The following FHIP1B variants were observed in gnomAD, a reference collection of about 807,000 sequenced individuals.
FHIP1B encodes FHF complex subunit HOOK interacting protein 1B, also known as FHF complex subunit HOOK-interacting protein 1B.
Under a neutral mutation model 82.2 loss-of-function variants are expected in FHIP1B, and 28 were observed. The observed-to-expected ratio is 0.34, with a 90% CI of 0.25 to 0.47. FHIP1B has a LOEUF of 0.47. Among genes scored for constraint, FHIP1B ranks in the 20% least tolerant of loss-of-function variants. The pLI is 1.00. For missense variants in FHIP1B, 1,110 were observed against 1,262.6 expected (o/e 0.88, Z 1.83); for synonymous variants, 585 against 516.1 (o/e 1.13, Z -1.81).
intron 9 of FHIP1B, 107 bp downstream of exon 9, chr11:6,217,264 G>A (rs769229915): frequency 4.1e-6 from 4 of 980,368 alleles, no homozygotes; most frequent in Admixed American, 3.8e-5. Flanking sequence ...GAGGGGCTAG[G>A]CAAGTACACA....
Position 6,223,492 on chromosome 11 carries a change from G to T in FHIP1B, c.777+118C>A. ...CTCCAGGGGGCTGCTTTCAAATCCAGGAACTGTTTCCTAGGGGAACGGGCC... is the reference window on the plus strand; with the variant it reads ...CTCCAGGGGGCTGCTTTCAAATCCATGAACTGTTTCCTAGGGGAACGGGCC... On this transcript the variant is annotated intron_variant, in intron 3 of 11. Coordinates refer to ENST00000449352, the MANE Select transcript of FHIP1B (RefSeq NM_001098794.2). The surrounding 1 kb of genome is among the most constrained non-coding windows in gnomAD (Gnocchi z 4.8). 7.4e-7 allele frequency: 1 copy of T among 1,345,236 alleles called. No individual in the cohort carries two copies. The allele number at this position is 1,345,236 out of a possible 1,614,324, so 83.3% of individuals were successfully genotyped here.
chr11:6,214,664 G>C (rs113817138), intron 10 of FHIP1B, 69 bp downstream of exon 10: 1 of 1,547,484 alleles, frequency 6.5e-7, no homozygotes. Context: ...GCCCACCCAG[G>C]GTCACTCCAG....
At position 6,214,472 on chromosome 11, in the gene FHIP1B, G is replaced by A; in HGVS notation, c.2496C>T (p.Gly832=). ...SKAKKYLIAR[G]KLDWAEGPAA... ...CAGGGCCCTCAGCCCAGTCCAACTTGCCACGGGCAATGAGGTACTTCTTGG... is the reference window on the plus strand; with the variant it reads ...CAGGGCCCTCAGCCCAGTCCAACTTACCACGGGCAATGAGGTACTTCTTGG... The change falls in exon 11 of 12, where the codon GGC becomes GGT. Residue 832 remains glycine, a synonymous_variant. Transcript: ENST00000449352. The A allele has an allele frequency of 6.2e-7, 1 of 1,614,104 alleles. No individual in the cohort carries two copies. The highest frequency in any genetic ancestry group is 8.5e-7 in the Non-Finnish European group (1 of 1,180,008).
intron 9 of FHIP1B, among the ~76,000 whole-genome samples, chr11:6,216,141 G>C (rs138348610): frequency 6.6e-6 from 1 of 152,352 alleles, no homozygotes; most frequent in East Asian, 1.9e-4. Context: ...TAGTGGTACT[G>C]AGCTGAAAGG....
At position 6,224,700 on chromosome 11, in the gene FHIP1B, T is replaced by A; in HGVS notation, c.-184A>T. On this transcript the variant is annotated 5_prime_UTR_variant, in exon 2 of 12. Coordinates refer to ENST00000449352, the MANE Select transcript of FHIP1B (RefSeq NM_001098794.2). ...CCAGAGGTCACTGGCCAGTCCAGAT[T>A]TCTAAATCTAATTCAGAGAAGAGAT... is the stretch of plus-strand genomic sequence containing the variant. 1.7e-6 allele frequency: 1 copy of A among 595,436 alleles called. No homozygotes were observed. Among genetic ancestry groups the A allele is most frequent in the Non-Finnish European group, 2.9e-6 (1 of 342,462 alleles). 36.9% of individuals were successfully genotyped at this position (595,436 alleles called of 1,614,324 possible).
chr11:6,212,962 G>A (rs1191432527), intron 11 of FHIP1B, among the ~76,000 whole-genome samples: 1 of 152,136 alleles, frequency 6.6e-6, no homozygotes, highest in Non-Finnish European at 1.5e-5. Context: ...AGCCTCCTCT[G>A]ATTTGTCTTC....
chr11:6,233,208 G>A (rs1847745488), intron 1 of FHIP1B, among the ~76,000 whole-genome samples: 1 of 152,236 alleles, frequency 6.6e-6, no homozygotes, highest in East Asian at 1.9e-4. Flanking sequence ...AAAGAATGGG[G>A]ACTGAGGCTG....
At chr11:6,224,966 T>G (rs1285091702) in intron 1 of FHIP1B, among the ~76,000 whole-genome samples, 1 of 152,232 alleles carries the variant, frequency 6.6e-6, no homozygotes, top group Non-Finnish European at 1.5e-5. Flanking sequence ...TCCTTGTTTT[T>G]TCTTTTCCTT....
In FHIP1B at chr11:6,223,863, C is replaced by A; in HGVS notation, c.524G>T (p.Gly175Val). The A allele has an allele frequency of 6.2e-7, 1 of 1,614,250 alleles. No individual in the cohort carries two copies. The highest frequency in any genetic ancestry group is 1.7e-5 in the Admixed American group (1 of 60,034). Residue 175 changes from glycine to valine, a missense_variant, in exon 3 of 12, where the codon GGC (glycine) becomes GTC (valine). By Grantham distance (109) the Gly-to-Val change is moderately radical. Coordinates refer to ENST00000449352, the MANE Select transcript of FHIP1B (RefSeq NM_001098794.2). This position sits in a 1 kb window ranked among gnomAD's most constrained non-coding sequence, Gnocchi z 4.8. ...PVPSSPALDE[G>V]LVLLLSQLCV... is the part of the protein sequence containing the mutation. ...CAGCTGGCTGAGAAGTAGCACCAAG[C>A]CTTCATCCAGTGCTGGGCTACTGGG...
At chr11:6,230,260 C>G (rs1401788111) in intron 1 of FHIP1B, among the ~76,000 whole-genome samples, 1 of 152,160 alleles carries the variant, frequency 6.6e-6, no homozygotes, top group Non-Finnish European at 1.5e-5. Flanking sequence ...CCTGCAACAC[C>G]TACATTGGAC....
chr11:6,214,627 T>C (rs1847172430), intron 10 of FHIP1B, 54 bp from the exon 11 acceptor site: 2 of 1,566,238 alleles, frequency 1.3e-6, no homozygotes. Flanking sequence ...GATACAGTCC[T>C]TTCTAGTCCC....
intron 9 of FHIP1B, chr11:6,216,777 G>C (rs1847239205): frequency 2.1e-6 from 1 of 476,352 alleles, no homozygotes; most frequent in African/African-American, 1.9e-5. Context: ...CTTAGTGCTA[G>C]CAGACAGTCA....
chr11:6,229,160 A>G (rs1847636219), intron 1 of FHIP1B, among the ~76,000 whole-genome samples: 1 of 152,224 alleles, frequency 6.6e-6, no homozygotes, highest in Admixed American at 6.5e-5. Context: ...AAAGACAATC[A>G]AACAAGAATA....
Position 6,211,529 on chromosome 11 carries a change from C to T in FHIP1B, c.2896G>A (p.Gly966Ser), listed in dbSNP as rs2009694838. The T allele has an allele frequency of 6.2e-7, 1 of 1,606,456 alleles. No individual in the cohort carries two copies. The highest frequency in any genetic ancestry group is 8.5e-7 in the Non-Finnish European group (1 of 1,176,872). The change falls in exon 12 of 12, where the codon GGC becomes AGC. Residue 966 changes from glycine to serine, a missense_variant. Physicochemically the swap from Gly to Ser is moderately conservative, Grantham distance 56. This residue lies in a region of FHIP1B where 29 missense variants were observed against 21.5 expected (regional missense o/e 1.35). Transcript: ENST00000449352. ...AGTTAAGGATTGAGGGGCCCACAGC[C>T]TGAGATGAGAGGGCCAGATCCTTCC... The part of the protein sequence containing the change: ...SEEGSGPLIS[G>S]CGPLNP
intron 11 of FHIP1B, among the ~76,000 whole-genome samples, chr11:6,212,695 A>G (rs1372681142): frequency 1.3e-5 from 2 of 152,210 alleles, no homozygotes; most frequent in Admixed American, 1.3e-4. Flanking sequence ...CCCATTTCCT[A>G]CATCTAATAC....
intron 6 of FHIP1B, among the ~76,000 whole-genome samples, chr11:6,220,625 G>A (rs1847380961): frequency 6.6e-6 from 1 of 152,116 alleles, no homozygotes; most frequent in South Asian, 2.1e-4. Flanking sequence ...TTTAACACGG[G>A]CATCCTGAAA....
intron 1 of FHIP1B, among the ~76,000 whole-genome samples, chr11:6,230,434 T>C (rs973732716): frequency 1.3e-5 from 2 of 152,142 alleles, no homozygotes; most frequent in Non-Finnish European, 2.9e-5. Context: ...TAAAATCTCA[T>C]AGAAATACAA....
chr11:6,228,439 T>G (rs1847619662), intron 1 of FHIP1B, among the ~76,000 whole-genome samples: 1 of 152,072 alleles, frequency 6.6e-6, no homozygotes, highest in Non-Finnish European at 1.5e-5. Flanking sequence ...ATGGGGAGGC[T>G]CAAGGGTGTC....
chr11:6,226,134 C>T (rs751862007), intron 1 of FHIP1B, among the ~76,000 whole-genome samples: 1 of 152,188 alleles, frequency 6.6e-6, no homozygotes, highest in African/African-American at 2.4e-5. Flanking sequence ...CTGGCACCAG[C>T]CCCACATTTT....
Sources: gnomAD v4.1 joint callset for allele counts (sites outside exome capture counted in the v4.1 genomes callset) on GRCh38, gnomAD v4.1.1 for gene constraint, gnomAD v4.1.1 regional missense constraint, Gnocchi (gnomAD v3.1) non-coding constraint, MANE v1.5 for transcripts, NCBI Gene and HGNC (gene_info 2026-07-23, HGNC 2026-07-21) for gene names.